Variants in SLC35F3 observed in about 807,000 individuals in gnomAD.
SLC35F3 encodes putative thiamine transporter SLC35F3.
Under a neutral mutation model 49.9 loss-of-function variants are expected in SLC35F3, and 25 were observed. The observed-to-expected ratio is 0.50, with a 90% CI of 0.37 to 0.70. SLC35F3 has a LOEUF of 0.70. SLC35F3 is among the 30% of genes least tolerant of loss of function. The pLI, the probability that SLC35F3 is intolerant of heterozygous loss-of-function variation, is 0.00. For synonymous variants in SLC35F3, 275 were observed against 265.4 expected (o/e 1.04, Z -0.35); for missense variants, 525 against 639.8 (o/e 0.82, Z 1.94).
chr1:234,223,032 A>G lies in SLC35F3; in HGVS notation c.284-8385A>G, dbSNP rs531551633. On this transcript the variant is annotated intron_variant, in intron 2 of 7. Coordinates refer to ENST00000366618, the MANE Select transcript of SLC35F3 (RefSeq NM_173508.4). ...ATGCTTTCAGACCAAGTATTAAAAC[A>G]TAGCGCTCTGCTTCCTCCCAAGAGG... Among the ~76,000 whole-genome samples, 3 of 152,326 alleles carry G rather than the reference A, an allele frequency of 2.0e-5. No homozygotes were observed. In the East Asian group the frequency reaches 5.8e-4, roughly 29 times the overall value.
intron 2 of SLC35F3, among the ~76,000 whole-genome samples, chr1:233,985,777 C>T (rs1663257308): frequency 6.6e-6 from 1 of 152,238 alleles, no homozygotes; most frequent in African/African-American, 2.4e-5. Flanking sequence ...ACAGAGAATA[C>T]TGGAACCATA....
intron 3 of SLC35F3, among the ~76,000 whole-genome samples, chr1:234,269,720 T>G (rs1668067882): frequency 6.6e-6 from 1 of 152,254 alleles, no homozygotes; most frequent in Non-Finnish European, 1.5e-5. Context: ...GTGTGAGTTG[T>G]CACCCTGTTA....
At chr1:233,975,895 C>T (rs12065925) in intron 2 of SLC35F3, among the ~76,000 whole-genome samples, 5,550 of 152,212 alleles carry the variant, frequency 0.036, 263 homozygotes, top group African/African-American at 0.1. Context: ...TGAAGATGTG[C>T]TTCAATAAAT....
chr1:233,909,309 T>C (rs563721395), intron 2 of SLC35F3, among the ~76,000 whole-genome samples: 39 of 152,344 alleles, frequency 2.6e-4, no homozygotes, highest in African/African-American at 8.9e-4. Context: ...CCACATTCCA[T>C]GTTTTTGAAC....
intron 2 of SLC35F3, among the ~76,000 whole-genome samples, chr1:234,047,680 T>TACACACACACACATACATACACAC (rs1462085629): frequency 1.4e-5 from 2 of 142,900 alleles, no homozygotes; most frequent in Non-Finnish European, 3.0e-5. Flanking sequence ...ATCATACACA[T>TACACACACACACATACATACACAC]ACACACACAC....
chr1:234,184,021 A>G (rs1052514364), intron 2 of SLC35F3, among the ~76,000 whole-genome samples: 4 of 152,200 alleles, frequency 2.6e-5, no homozygotes, highest in Admixed American at 6.5e-5. Flanking sequence ...ACTCAGTTCA[A>G]ATTCACATTG....
In SLC35F3 at chr1:234,192,264, G is replaced by A. The variant is rs181164898; in HGVS notation, c.284-39153G>A. On this transcript the variant is annotated intron_variant, in intron 2 of 7. Coordinates refer to ENST00000366618, the MANE Select transcript of SLC35F3 (RefSeq NM_173508.4). Reference sequence around the variant, plus strand: ...AAAGATAATCCACCATAATCAAGTGGGTTTCATACCAGGGATGCAGGGATG... The same window carrying A: ...AAAGATAATCCACCATAATCAAGTGAGTTTCATACCAGGGATGCAGGGATG... Among the ~76,000 whole-genome samples the A allele has an allele frequency of 3.3e-5, 5 of 152,240 alleles. No homozygotes were observed. In the East Asian group the frequency reaches 7.7e-4, roughly 23 times the overall value.
At chr1:234,139,951 T>TAATAAAATAAGATAAAATAA (rs1553308847) in intron 2 of SLC35F3, among the ~76,000 whole-genome samples, 22 of 90,584 alleles carry the variant, frequency 2.4e-4, no homozygotes, top group African/African-American at 8.5e-4. Context: ...CATCTCAAAA[T>TAATAAAATAAGATAAAATAA]AATAAAATAA....
chr1:234,287,489 A>G (rs1668441328), intron 3 of SLC35F3, among the ~76,000 whole-genome samples: 1 of 152,206 alleles, frequency 6.6e-6, no homozygotes, highest in South Asian at 2.1e-4. Flanking sequence ...GTACTTCCAA[A>G]AAGATCACTA....
At chr1:234,155,825 T>C (rs1285482054) in intron 2 of SLC35F3, among the ~76,000 whole-genome samples, 2 of 151,080 alleles carry the variant, frequency 1.3e-5, no homozygotes, top group African/African-American at 2.4e-5. Context: ...GGTGGAGTAA[T>C]TTTTAAATGT....
At chr1:234,215,128 G>A (rs149024208) in intron 2 of SLC35F3, 1 of 152,990 alleles carries the variant, frequency 6.5e-6, no homozygotes, top group Non-Finnish European at 1.5e-5. Flanking sequence ...TTGGGAATGG[G>A]CGGGGCGCAC....
chr1:234,142,583 G>A (rs1413886109), intron 2 of SLC35F3, among the ~76,000 whole-genome samples: 1 of 152,192 alleles, frequency 6.6e-6, no homozygotes, highest in Admixed American at 6.5e-5. Context: ...ACTGCCCAGG[G>A]GCATTTGGTG....
chr1:233,905,831 G>A, intron 2 of SLC35F3, 73 bp downstream of exon 2: 1 of 1,411,682 alleles, frequency 7.1e-7, no homozygotes, highest in Non-Finnish European at 9.7e-7. Context: ...GCCTCGGGGA[G>A]CGCACGCAGT....
intron 2 of SLC35F3, among the ~76,000 whole-genome samples, chr1:234,185,022 C>T (rs991288226): frequency 2.6e-5 from 4 of 152,086 alleles, no homozygotes; most frequent in African/African-American, 4.8e-5. Flanking sequence ...ACAGTCCCTG[C>T]GAAAAAGCAA....
intron 2 of SLC35F3, among the ~76,000 whole-genome samples, chr1:234,218,035 G>A (rs1454884269): frequency 6.6e-6 from 1 of 152,206 alleles, no homozygotes; most frequent in Non-Finnish European, 1.5e-5. Context: ...GGAGAGTGGG[G>A]CTGGGCCTTA....
intron 3 of SLC35F3, among the ~76,000 whole-genome samples, chr1:234,307,061 A>G (rs923484387): frequency 3.9e-5 from 6 of 152,238 alleles, no homozygotes; most frequent in Non-Finnish European, 7.3e-5. Context: ...AATCACAAAC[A>G]TAAAGGAAGC....
intron 2 of SLC35F3, among the ~76,000 whole-genome samples, chr1:234,132,237 T>C (rs1665747481): frequency 6.6e-6 from 1 of 152,200 alleles, no homozygotes; most frequent in Non-Finnish European, 1.5e-5. Context: ...TCATATTATA[T>C]AACATCCTGC....
intron 2 of SLC35F3, among the ~76,000 whole-genome samples, chr1:234,149,991 T>A (rs1666054175): frequency 6.6e-6 from 1 of 152,210 alleles, no homozygotes; most frequent in Non-Finnish European, 1.5e-5. Context: ...GTTCCTCATG[T>A]TGATCCCTTG....
intron 2 of SLC35F3, among the ~76,000 whole-genome samples, chr1:234,131,286 G>GTT (rs1195126392): frequency 1.4e-4 from 22 of 152,128 alleles, no homozygotes; most frequent in African/African-American, 5.3e-4. Context: ...GAAAATATGG[G>GTT]AAATAATTAA....
Sources: allele counts gnomAD v4.1 joint callset (sites outside exome capture counted in the v4.1 genomes callset), GRCh38; gene constraint gnomAD v4.1.1; transcripts MANE v1.5; gene names NCBI Gene and HGNC (gene_info 2026-07-23, HGNC 2026-07-21).